Variants in CTNNA2 observed in about 807,000 individuals in gnomAD.
The protein encoded by CTNNA2 is catenin alpha-2.
CTNNA2 carries 42 observed loss-of-function variants against 101.0 expected under a neutral mutation model. The ratio of observed to expected loss-of-function variants is 0.42; its 90% CI spans 0.32 to 0.54. The LOEUF is 0.54. Ranked by LOEUF, CTNNA2 falls within the 20% of genes least tolerant of loss-of-function variation. CTNNA2 has a pLI of 0.14. For synonymous variants in CTNNA2, 450 were observed against 456.4 expected, an observed-to-expected ratio of 0.99 and a Z score of 0.18; for missense variants, 871 against 1,223.1, an observed-to-expected ratio of 0.71 and a Z score of 4.29.
intron 7 of CTNNA2, among the ~76,000 whole-genome samples, chr2:79,934,032 G>C (rs938000801): frequency 2.6e-5 from 4 of 152,074 alleles, no homozygotes; most frequent in African/African-American, 7.2e-5. Context: ...GTTCAGGTCG[G>C]CACTAAGCTG....
At chr2:80,579,149 G>A (rs1408549348) in intron 13 of CTNNA2, 1 of 152,086 alleles carries the variant, frequency 6.6e-6, no homozygotes, top group African/African-American at 2.4e-5. Flanking sequence ...AAACATGCAG[G>A]TCCCCTGAGT....
chr2:79,807,296 A>G (rs1676653806), intron 3 of CTNNA2, among the ~76,000 whole-genome samples: 3 of 152,162 alleles, frequency 2.0e-5, no homozygotes, highest in Admixed American at 1.3e-4. Context: ...AGACAACTCA[A>G]TAAATCCTCT....
At chr2:79,949,079 G>C (rs934425674) in intron 7 of CTNNA2, among the ~76,000 whole-genome samples, 2 of 152,088 alleles carry the variant, frequency 1.3e-5, no homozygotes, top group African/African-American at 4.8e-5. Flanking sequence ...ATAGAAGTTG[G>C]AGATGTTTAT....
At chr2:80,365,319 C>G (rs1674815017) in intron 7 of CTNNA2, among the ~76,000 whole-genome samples, 1 of 152,190 alleles carries the variant, frequency 6.6e-6, no homozygotes, top group Non-Finnish European at 1.5e-5. Context: ...TAGGCACCCA[C>G]TGTTCACTGT....
intron 3 of CTNNA2, among the ~76,000 whole-genome samples, chr2:79,833,807 A>T (rs1024270690): frequency 6.6e-6 from 1 of 152,214 alleles, no homozygotes; most frequent in African/African-American, 2.4e-5. Context: ...CCATATATGC[A>T]TCCATTCATA....
intron 9 of CTNNA2, among the ~76,000 whole-genome samples, chr2:80,530,107 C>A (rs1329012035): frequency 2.0e-5 from 3 of 152,070 alleles, no homozygotes; most frequent in African/African-American, 7.2e-5. Context: ...GTGAGGGATG[C>A]ATCTGCTGCC....
In CTNNA2 at chr2:79,220,186, A is replaced by ATGTG. The variant is rs757882159; in HGVS notation, c.-406+22122_-406+22125dup. Among the ~76,000 whole-genome samples the ATGTG allele has an allele frequency of 2.4e-4, 36 of 151,026 alleles. No individual in the cohort carries two copies. The East Asian group carries it at 4.9e-3, about 20-fold the overall frequency. On this transcript the variant is annotated intron_variant, in intron 2 of 21. Transcript: ENST00000466387. ...TGTATGTGTGTGTGTGTATATATATATGTGTGTGTGTGTGTATATATATGT... is the reference window on the plus strand; with the variant it reads ...TGTATGTGTGTGTGTGTATATATATATGTGTGTGTGTGTGTGTGTATATATATGT...
chr2:79,605,632 G>A (rs1188574464), intron 1 of CTNNA2, among the ~76,000 whole-genome samples: 1 of 152,132 alleles, frequency 6.6e-6, no homozygotes, highest in African/African-American at 2.4e-5. Flanking sequence ...GGCTAGGCAT[G>A]GTGGCTTATG....
chr2:80,375,889 A>T (rs1435519152), intron 7 of CTNNA2, among the ~76,000 whole-genome samples: 2 of 151,764 alleles, frequency 1.3e-5, no homozygotes, highest in African/African-American at 4.8e-5. Context: ...AGCTGGTTTT[A>T]CTCAGGACTT....
At chr2:79,647,799 G>C (rs1001776957) in intron 1 of CTNNA2, among the ~76,000 whole-genome samples, 16 of 152,228 alleles carry the variant, frequency 1.1e-4, no homozygotes, top group Admixed American at 1.0e-3. Context: ...TTGATCATGT[G>C]TTGATGGTTT....
chr2:80,443,736 C>T (rs985863322), intron 9 of CTNNA2, among the ~76,000 whole-genome samples: 8 of 152,330 alleles, frequency 5.3e-5, no homozygotes, highest in East Asian at 3.9e-4. Flanking sequence ...CCAACTCAAA[C>T]GCTTGTCAAG....
At chr2:79,751,405 C>T (rs1421353643) in intron 3 of CTNNA2, among the ~76,000 whole-genome samples, 1 of 151,758 alleles carries the variant, frequency 6.6e-6, no homozygotes, top group Non-Finnish European at 1.5e-5. Context: ...ACTAGCCTGA[C>T]CAACATAGTG....
At chr2:79,721,523 C>T (rs1256755940) in intron 2 of CTNNA2, among the ~76,000 whole-genome samples, 1 of 152,174 alleles carries the variant, frequency 6.6e-6, no homozygotes, top group African/African-American at 2.4e-5. Flanking sequence ...ATGTGGGGGA[C>T]ATATTCAAAT....
chr2:79,350,947 T>C (rs1677373307), intron 3 of CTNNA2, among the ~76,000 whole-genome samples: 1 of 152,232 alleles, frequency 6.6e-6, no homozygotes, highest in South Asian at 2.1e-4. Flanking sequence ...TTTTGAGAAA[T>C]GTCAGTTTAT....
At chr2:79,948,797 T>C (rs1376772774) in intron 7 of CTNNA2, among the ~76,000 whole-genome samples, 2 of 151,902 alleles carry the variant, frequency 1.3e-5, no homozygotes, top group Non-Finnish European at 2.9e-5. Context: ...GGAAACCCCG[T>C]CTCTATTAAA....
At chr2:80,571,887 C>T (rs966976019) in intron 12 of CTNNA2, among the ~76,000 whole-genome samples, 1 of 152,086 alleles carries the variant, frequency 6.6e-6, no homozygotes, top group Non-Finnish European at 1.5e-5. Flanking sequence ...GTATAATTTT[C>T]TTCTTAACTC....
intron 3 of CTNNA2, among the ~76,000 whole-genome samples, chr2:79,339,311 A>G (rs1386292231): frequency 6.6e-6 from 1 of 152,162 alleles, no homozygotes; most frequent in Non-Finnish European, 1.5e-5. Flanking sequence ...GAGTGCTGCC[A>G]AGAGATTAAG....
intron 7 of CTNNA2, among the ~76,000 whole-genome samples, chr2:80,232,341 G>GTTTTTTTTTTTTT (rs1286822049): frequency 3.9e-4 from 32 of 82,026 alleles, no homozygotes; most frequent in Non-Finnish European, 7.2e-4. Context: ...TTGTTTGTTT[G>GTTTTTTTTTTTTT]TTTGTTTTTT....
intron 7 of CTNNA2, among the ~76,000 whole-genome samples, chr2:80,020,322 G>A (rs967674896): frequency 6.6e-6 from 1 of 152,116 alleles, no homozygotes; most frequent in African/African-American, 2.4e-5. Context: ...TGTCTGTGGA[G>A]GTATCTGGAT....
Sources: allele counts gnomAD v4.1 joint callset (sites outside exome capture counted in the v4.1 genomes callset), GRCh38; gene constraint gnomAD v4.1.1; transcripts MANE v1.5; gene names NCBI Gene and HGNC (gene_info 2026-07-23, HGNC 2026-07-21).